LY6K: variants seen among roughly 807,000 people sequenced by gnomAD.
LY6K encodes the protein lymphocyte antigen 6 family member K.
LY6K carries 9 observed loss-of-function variants against 10.4 expected under a neutral mutation model. The observed-to-expected ratio is 0.87, with a 90% CI of 0.52 to 1.52. LY6K has a LOEUF of 1.52. Ranked by LOEUF, LY6K falls within the 40% of genes most tolerant of loss-of-function variation. The probability of loss-of-function intolerance (pLI) is 0.00; values close to 1 mark genes in which losing one functional copy is unlikely to be tolerated. For missense variants in LY6K, 217 were observed against 211.7 expected, an observed-to-expected ratio of 1.02 and a Z score of -0.15; for synonymous variants, 98 against 83.7, an observed-to-expected ratio of 1.17 and a Z score of -0.94.
rs1587563625 is a variant in LY6K, at chr8:142,702,766, T to C, written c.218-325T>C. On this transcript the variant is annotated intron_variant, in intron 2 of 2. Transcript: ENST00000292430. ...GGGTGATGGCCAGAATGGCTGGGAG[T>C]CATGTGTCTGTCTGTGGTCACAAAG... The C allele has an allele frequency of 8.1e-6, 12 of 1,480,016 alleles. No homozygotes were observed. In the South Asian group the frequency reaches 1.5e-4, roughly 18 times the overall value. 91.7% of individuals were successfully genotyped at this position (1,480,016 alleles called of 1,614,324 possible). A position where few individuals can be genotyped will look rare whatever the true frequency, so the allele number is the denominator to read the frequency against.
At chr8:142,701,220 A>C (rs1202095460) in intron 1 of LY6K, among the ~76,000 whole-genome samples, 3 of 152,096 alleles carry the variant, frequency 2.0e-5, no homozygotes, top group African/African-American at 7.2e-5. Flanking sequence ...ATGTGGGAGG[A>C]CGGGGGAGCC....
rs947021957 is a variant in LY6K at position 142,705,073 on chromosome 8, C to T, written c.*1702C>T. The T allele has an allele frequency of 9.2e-5, 14 of 152,242 alleles. No individual in the cohort carries two copies. Among genetic ancestry groups the T allele is most frequent in the African/African-American group, 2.9e-4 (12 of 41,464 alleles). 9.4% of individuals were successfully genotyped at this position (152,242 alleles called of 1,614,324 possible). On this transcript the variant is annotated 3_prime_UTR_variant, in exon 3 of 3. Coordinates refer to ENST00000292430, the MANE Select transcript of LY6K (RefSeq NM_017527.4). ...GATGTGGCTGGCCTGCTGCTGTGGACTTCCTCTCCAACATCATCTCTTCTC... is the reference window on the plus strand; with the variant it reads ...GATGTGGCTGGCCTGCTGCTGTGGATTTCCTCTCCAACATCATCTCTTCTC...
chr8:142,702,727 C>T, intron 2 of LY6K: 7 of 1,490,810 alleles, frequency 4.7e-6, no homozygotes, highest in Non-Finnish European at 6.3e-6. Flanking sequence ...ACCAAGAGGC[C>T]AGCTCCACAC....
intron 1 of LY6K, among the ~76,000 whole-genome samples, 172 bp downstream of exon 1, chr8:142,700,802 C>T (rs999505096): frequency 9.2e-5 from 14 of 152,044 alleles, no homozygotes; most frequent in Non-Finnish European, 1.6e-4. Context: ...TCCACCAGGG[C>T]GGCGGGGCAG....
intron 1 of LY6K, 22 bp from the exon 2 acceptor site, chr8:142,701,574 GCTTT>G (rs782533852): frequency 2.1e-5 from 31 of 1,483,588 alleles, no homozygotes; most frequent in African/African-American, 2.8e-5. Context: ...GGAACATTCT[GCTTT>G]CTTTTTTATT....
rs6987246 is a variant in LY6K, at chr8:142,701,746, G to T, written c.217+33G>T. On this transcript the variant is annotated intron_variant, in intron 2 of 2. Transcript: ENST00000292430. ...TCTTCGCTCTTGTTGGGGACCCAAA[G>T]GCAGGTGAACAGAGGGCTTTCAGGA... is the stretch of plus-strand genomic sequence containing the variant. The T allele has an allele frequency of 2.0e-6, 3 of 1,463,694 alleles. No individual in the cohort carries two copies. In the South Asian group the frequency reaches 3.5e-5, roughly 17 times the overall value. 90.7% of individuals were successfully genotyped at this position (1,463,694 alleles called of 1,614,324 possible).
chr8:142,702,565 A>G, intron 2 of LY6K: 2 of 1,535,622 alleles, frequency 1.3e-6, no homozygotes, highest in South Asian at 1.2e-5. Flanking sequence ...TTCGGTATCC[A>G]CGAAGTTGGT....
At position 142,704,093 on chromosome 8, in the gene LY6K, T is replaced by C. The variant is rs957173470; in HGVS notation, c.*722T>C. 5.9e-5 allele frequency: 9 copies of C among 152,122 alleles called. No homozygotes were observed. The highest frequency in any genetic ancestry group is 2.2e-4 in the African/African-American group (9 of 41,422). The allele number at this position is 152,122 out of a possible 1,614,324, so 9.4% of individuals were successfully genotyped here. Reference sequence around the variant, plus strand: ...TCATTTCTCTGTTAAGATGCAGCCATCCATGGGGAGCTGAGAAATCAGACT... The same window carrying C: ...TCATTTCTCTGTTAAGATGCAGCCACCCATGGGGAGCTGAGAAATCAGACT... On this transcript the variant is annotated 3_prime_UTR_variant, in exon 3 of 3. Transcript: ENST00000292430.
Position 142,701,685 on chromosome 8 carries a change from A to G in LY6K, c.189A>G (p.Thr63=), listed in dbSNP as rs782582775. The G allele has an allele frequency of 1.9e-6, 3 of 1,613,760 alleles. No individual in the cohort carries two copies. The highest frequency in any genetic ancestry group is 1.3e-5 in the African/African-American group (1 of 74,922). ...ECQNPRRCKW[T]EPYCVIAAVK... Reference sequence around the variant, plus strand: ...AGAACCCAAGGAGGTGCAAATGGACAGAGCCATACTGCGTTATAGCGGCCG... The same window carrying G: ...AGAACCCAAGGAGGTGCAAATGGACGGAGCCATACTGCGTTATAGCGGCCG... Residue 63 remains threonine, a synonymous_variant, in exon 2 of 3, where the codon ACA becomes ACG. Coordinates refer to ENST00000292430, the MANE Select transcript of LY6K (RefSeq NM_017527.4).
intron 2 of LY6K, chr8:142,702,284 G>A (rs1166858454): frequency 1.2e-5 from 7 of 564,974 alleles, no homozygotes; most frequent in Non-Finnish European, 2.2e-5. Context: ...AGCTTTAATA[G>A]TGTTAAATGC....
At chr8:142,702,737 C>T (rs1815089193) in intron 2 of LY6K, 2 of 1,488,916 alleles carry the variant, frequency 1.3e-6, no homozygotes, top group South Asian at 1.3e-5. Flanking sequence ...CAGCTCCACA[C>T]CCTGGGTGAT....
chr8:142,700,303 G>GC lies in LY6K; in HGVS notation c.-224dup, dbSNP rs200681340. 2.7e-3 allele frequency: 3,493 copies of GC among 1,280,048 alleles called. 74 individuals are homozygous for GC. The African/African-American group carries it at 0.043, about 16-fold the overall frequency. 79.3% of individuals were successfully genotyped at this position (1,280,048 alleles called of 1,614,324 possible). A position where few individuals can be genotyped will look rare whatever the true frequency, so the allele number is the denominator to read the frequency against. On this transcript the variant is annotated 5_prime_UTR_variant, in exon 1 of 3. Transcript: ENST00000292430. Reference sequence around the variant, plus strand: ...CCGGCCGCTCCAACAGCAGCACAAGGCGGGACTCAGAACCGGCGTTCAGGG... The same window carrying GC: ...CCGGCCGCTCCAACAGCAGCACAAGGCCGGGACTCAGAACCGGCGTTCAGGG...
chr8:142,701,015 G>A (rs1330051346), intron 1 of LY6K, among the ~76,000 whole-genome samples: 1 of 151,778 alleles, frequency 6.6e-6, no homozygotes, highest in Middle Eastern at 3.2e-3. Context: ...TGAGGGAGTC[G>A]GGGGGCAGGA....
Position 142,703,607 on chromosome 8 carries a change from T to C in LY6K, c.*236T>C. ...GTGATTTTGGTGACAAGTTTTTCTCTTTGAAATCAAACCTTGTAACTCATT... is the reference window on the plus strand; with the variant it reads ...GTGATTTTGGTGACAAGTTTTTCTCCTTGAAATCAAACCTTGTAACTCATT... On this transcript the variant is annotated 3_prime_UTR_variant, in exon 3 of 3. Coordinates refer to ENST00000292430, the MANE Select transcript of LY6K (RefSeq NM_017527.4). 1 of 541,246 alleles carries C rather than the reference T, an allele frequency of 1.8e-6. No homozygotes were observed. The highest frequency in any genetic ancestry group is 3.2e-6 in the Non-Finnish European group (1 of 308,122). The allele number at this position is 541,246 out of a possible 1,614,324, so 33.5% of individuals were successfully genotyped here. A position where few individuals can be genotyped will look rare whatever the true frequency, so the allele number is the denominator to read the frequency against.
chr8:142,701,147 G>A (rs1488172088), intron 1 of LY6K, among the ~76,000 whole-genome samples: 1 of 151,906 alleles, frequency 6.6e-6, no homozygotes. Flanking sequence ...CCGCGTGGCC[G>A]ACCTGGGGTC....
chr8:142,704,413 A>G lies in LY6K; in HGVS notation c.*1042A>G, dbSNP rs1418797585. 1 of 152,218 alleles carries G rather than the reference A, an allele frequency of 6.6e-6. No individual in the cohort carries two copies. Among genetic ancestry groups the G allele is most frequent in the Non-Finnish European group, 1.5e-5 (1 of 68,034 alleles). The allele number at this position is 152,218 out of a possible 1,614,324, so 9.4% of individuals were successfully genotyped here. A position where few individuals can be genotyped will look rare whatever the true frequency, so the allele number is the denominator to read the frequency against. On this transcript the variant is annotated 3_prime_UTR_variant, in exon 3 of 3. Coordinates refer to ENST00000292430, the MANE Select transcript of LY6K (RefSeq NM_017527.4). The stretch of plus-strand genomic sequence containing the variant: ...TAACCAAATCAGGCCTGGAAGGTGT[A>G]TGCCTAGTGATTTCCCATTGAAACT...
chr8:142,703,614 T>C lies in LY6K; in HGVS notation c.*243T>C. Reference sequence around the variant, plus strand: ...TGGTGACAAGTTTTTCTCTTTGAAATCAAACCTTGTAACTCATTTATTGCT... The same window carrying C: ...TGGTGACAAGTTTTTCTCTTTGAAACCAAACCTTGTAACTCATTTATTGCT... On this transcript the variant is annotated 3_prime_UTR_variant, in exon 3 of 3. Coordinates refer to ENST00000292430, the MANE Select transcript of LY6K (RefSeq NM_017527.4). 3.8e-6 allele frequency: 2 copies of C among 531,734 alleles called. No homozygotes were observed. Among genetic ancestry groups the C allele is most frequent in the Non-Finnish European group, 6.6e-6 (2 of 301,422 alleles). The allele number at this position is 531,734 out of a possible 1,614,324, so 32.9% of individuals were successfully genotyped here. A position where few individuals can be genotyped will look rare whatever the true frequency, so the allele number is the denominator to read the frequency against.
intron 1 of LY6K, 102 bp downstream of exon 1, chr8:142,700,732 G>C (rs1255402304): frequency 4.9e-6 from 6 of 1,218,728 alleles, no homozygotes; most frequent in Non-Finnish European, 2.1e-6. Flanking sequence ...CCGTGAGAAC[G>C]GAGCGTTCAG....
Position 142,703,449 on chromosome 8 carries a change from G to T in LY6K, c.*78G>T. 6.6e-7 allele frequency: 1 copy of T among 1,505,546 alleles called. No individual in the cohort carries two copies. The highest frequency in any genetic ancestry group is 1.3e-5 in the South Asian group (1 of 75,808). The allele number at this position is 1,505,546 out of a possible 1,614,324, so 93.3% of individuals were successfully genotyped here. The stretch of plus-strand genomic sequence containing the variant: ...CGTTGTCACCTGTTGCATTAAACTT[G>T]TTTTCTGTTGATTACCTCTTGGTTT... On this transcript the variant is annotated 3_prime_UTR_variant, in exon 3 of 3. Coordinates refer to ENST00000292430, the MANE Select transcript of LY6K (RefSeq NM_017527.4).
Sources: gnomAD v4.1 joint callset for allele counts (sites outside exome capture counted in the v4.1 genomes callset) on GRCh38, gnomAD v4.1.1 for gene constraint, MANE v1.5 for transcripts, NCBI Gene and HGNC (gene_info 2026-07-23, HGNC 2026-07-21) for gene names.